The following ITGA3 variants were observed in gnomAD, a reference collection of about 807,000 sequenced individuals.
The protein encoded by ITGA3 is integrin subunit alpha 3, also known as integrin alpha-3.
A neutral mutation model predicts 131.1 loss-of-function variants in ITGA3; 70 were observed. The observed-to-expected ratio is 0.53, with a 90% CI of 0.44 to 0.65. ITGA3 has a LOEUF of 0.65. Among genes scored for constraint, ITGA3 ranks in the 30% least tolerant of loss-of-function variants. The pLI, the probability that ITGA3 is intolerant of heterozygous loss-of-function variation, is 0.00. For synonymous variants in ITGA3, 537 were observed against 571.6 expected, an observed-to-expected ratio of 0.94 and a Z score of 0.86; for missense variants, 1,098 against 1,388.6, an observed-to-expected ratio of 0.79 and a Z score of 3.33.
chr17:50,061,565 A>G (rs1908078278), intron 1 of ITGA3, among the ~76,000 whole-genome samples: 1 of 152,110 alleles, frequency 6.6e-6, no homozygotes, highest in Non-Finnish European at 1.5e-5. Context: ...ACCTCCAGCC[A>G]GATCTGAGCC....
chr17:50,088,363 C>G lies in ITGA3; in HGVS notation c.*28C>G. 1 of 1,526,020 alleles carries G rather than the reference C, an allele frequency of 6.6e-7. No individual in the cohort carries two copies. The highest frequency in any genetic ancestry group is 2.0e-5 in the Admixed American group (1 of 51,134). 94.5% of individuals were successfully genotyped at this position (1,526,020 alleles called of 1,614,324 possible). A position where few individuals can be genotyped will look rare whatever the true frequency, so the allele number is the denominator to read the frequency against. ...GGGCAGCCCCCCGCCCCCGGCCCAC[C>G]TGGGTAACACGGCCTCCGGGCCCCC... On this transcript the variant is annotated 3_prime_UTR_variant, in exon 25 of 26. Transcript: ENST00000320031.
Position 50,078,927 on chromosome 17 carries a change from G to A in ITGA3, c.2400+1G>A, listed in dbSNP as rs1909049609. 6.3e-7 allele frequency: 1 copy of A among 1,591,200 alleles called. No individual in the cohort carries two copies. Among genetic ancestry groups the A allele is most frequent in the Non-Finnish European group, 8.6e-7 (1 of 1,159,124 alleles). Reference sequence around the variant, plus strand: ...AAGCCCCCTCAAGTATGAATTCCAGGTAAGGGGCTCGCCAGAGTCCTGGGC... The same window carrying A: ...AAGCCCCCTCAAGTATGAATTCCAGATAAGGGGCTCGCCAGAGTCCTGGGC... On this transcript the variant is annotated splice_donor_variant, in intron 19 of 25. Transcript: ENST00000320031. LOFTEE classifies it high-confidence loss of function.
chr17:50,078,452 T>TA (rs1909026686), intron 18 of ITGA3, among the ~76,000 whole-genome samples, 168 bp downstream of exon 18: 1 of 152,144 alleles, frequency 6.6e-6, no homozygotes, highest in Non-Finnish European at 1.5e-5. Flanking sequence ...TCACTATCGT[T>TA]ACCGTTACTA....
In ITGA3 at chr17:50,070,907, A is replaced by T; in HGVS notation, c.728A>T (p.Glu243Val). The T allele has an allele frequency of 1.2e-6, 2 of 1,609,604 alleles. No homozygotes were observed. The highest frequency in any genetic ancestry group is 1.1e-5 in the South Asian group (1 of 90,982). The change falls in exon 5 of 26, where the codon GAG becomes GTG. Residue 243 changes from glutamate (E) to valine (V), a missense_variant. Coordinates refer to ENST00000320031, the MANE Select transcript of ITGA3 (RefSeq NM_002204.4). ...TCTGAGTATAGTTACAAGGACCCAG[A>T]GGACCAAGGAAACCTCTATATTGGT... The part of the protein sequence containing the change: ...DLSEYSYKDP[E>V]DQGNLYIGYT...
intron 1 of ITGA3, among the ~76,000 whole-genome samples, chr17:50,061,340 G>A (rs1423863713): frequency 6.6e-6 from 1 of 152,052 alleles, no homozygotes; most frequent in East Asian, 1.9e-4. Context: ...ACCTTGGGAA[G>A]TTCAGAGGAG....
rs1907849303 is a variant in ITGA3 at position 50,056,802 on chromosome 17, T to C, written c.206+157T>C. The stretch of plus-strand genomic sequence containing the variant: ...TGGGGGTTGGCGGGAAGTGGAGGAT[T>C]GGGTGTGGGGTCGGGCAGTAATCAT... On this transcript the variant is annotated intron_variant, in intron 1 of 25. Transcript: ENST00000320031. This position sits in a 1 kb window ranked among gnomAD's most constrained non-coding sequence, Gnocchi z 5.6. Among the ~76,000 whole-genome samples, 1 of 151,910 alleles carries C rather than the reference T, an allele frequency of 6.6e-6. No homozygotes were observed. The highest frequency in any genetic ancestry group is 2.4e-5 in the African/African-American group (1 of 41,342).
intron 4 of ITGA3, among the ~76,000 whole-genome samples, chr17:50,068,934 A>G (rs1908481850): frequency 6.6e-6 from 1 of 150,994 alleles, no homozygotes; most frequent in African/African-American, 2.4e-5. Flanking sequence ...TGCAAGCTCC[A>G]CCTCCAGGGT....
At chr17:50,071,141 A>G (rs972549559) in intron 5 of ITGA3, among the ~76,000 whole-genome samples, 170 bp from the exon 6 acceptor site, 4 of 152,244 alleles carry the variant, frequency 2.6e-5, no homozygotes, top group African/African-American at 9.6e-5. Context: ...GTGTCCAGGC[A>G]GAACTGGGCC....
intron 5 of ITGA3, 108 bp from the exon 6 acceptor site, chr17:50,071,203 G>T: frequency 9.8e-7 from 1 of 1,020,602 alleles, no homozygotes. Flanking sequence ...GGAATAGTGG[G>T]ATAGAACATC....
At position 50,085,594 on chromosome 17, in the gene ITGA3, G is replaced by T. The variant is rs185845111; in HGVS notation, c.2920-2150G>T. On this transcript the variant is annotated intron_variant, in intron 23 of 25. Coordinates refer to ENST00000320031, the MANE Select transcript of ITGA3 (RefSeq NM_002204.4). ...CAGGAGAATTGCTTGAGCCCAGGAG[G>T]CAGAGGTTGCAGTGAGCCAAGATTG... is the stretch of plus-strand genomic sequence containing the variant. 2.0e-5 allele frequency among the ~76,000 whole-genome samples: 3 copies of T among 150,330 alleles called. No homozygotes were observed. In the East Asian group the frequency reaches 6.0e-4, roughly 30 times the overall value.
At chr17:50,078,340 C>G in intron 18 of ITGA3, 56 bp downstream of exon 18, 2 of 1,454,138 alleles carry the variant, frequency 1.4e-6, no homozygotes, top group East Asian at 4.6e-5. Flanking sequence ...AGCTAGGGTT[C>G]CCTATCCCCA....
In ITGA3 at chr17:50,068,134, C is replaced by T. The variant is rs756398910; in HGVS notation, c.493C>T (p.Arg165Ter). The change falls in exon 4 of 26, where the codon CGA (arginine) becomes TGA (stop). Residue 165 changes from arginine (R) to a stop codon, truncating the protein, a stop_gained. Coordinates refer to ENST00000320031, the MANE Select transcript of ITGA3 (RefSeq NM_002204.4). LOFTEE classifies it high-confidence loss of function. ...GCGCATGGTGGGCAAGTGCTACGTGCGAGGCAATGACCTAGAGCTGGACTC... is the reference window on the plus strand; with the variant it reads ...GCGCATGGTGGGCAAGTGCTACGTGTGAGGCAATGACCTAGAGCTGGACTC... ...QRRMVGKCYV[R>*]GNDLELDSSD... 6 of 1,614,016 alleles carry T rather than the reference C, an allele frequency of 3.7e-6. No homozygotes were observed. The African/African-American group carries it at 5.3e-5, about 14-fold the overall frequency.
chr17:50,060,256 C>T (rs1908015380), intron 1 of ITGA3, among the ~76,000 whole-genome samples: 2 of 152,304 alleles, frequency 1.3e-5, no homozygotes, highest in South Asian at 2.1e-4. Context: ...GATCCTTTGG[C>T]CCCCTCTGGA....
At chr17:50,088,125 C>T in intron 24 of ITGA3, 100 bp from the exon 25 acceptor site, 6 of 1,444,276 alleles carry the variant, frequency 4.2e-6, no homozygotes, top group Non-Finnish European at 5.5e-6. Flanking sequence ...AGCCCCAGCC[C>T]CCAGGCTCCC....
chr17:50,081,417 G>C lies in ITGA3; in HGVS notation c.2919+9G>C. 3.9e-6 allele frequency: 6 copies of C among 1,556,070 alleles called. No homozygotes were observed. The highest frequency in any genetic ancestry group is 5.2e-6 in the Non-Finnish European group (6 of 1,144,464). On this transcript the variant is annotated intron_variant, in intron 23 of 25. Transcript: ENST00000320031. ...AGAACAAGACCACGTGGGTGAGTGC[G>C]CATGTTCACTAGGACAGCAGTCTCC...
At position 50,056,262 on chromosome 17, in the gene ITGA3, G is replaced by A. The variant is rs1907798054; in HGVS notation, c.-178G>A. The stretch of plus-strand genomic sequence containing the variant: ...ACCCACGGATCTTAGGAAGGGATCC[G>A]AGAGCGCAGCTGTGAAACTGGCTGG... On this transcript the variant is annotated 5_prime_UTR_variant, in exon 1 of 26. Transcript: ENST00000320031. This position sits in a 1 kb window ranked among gnomAD's most constrained non-coding sequence, Gnocchi z 5.6. 4.1e-6 allele frequency: 2 copies of A among 487,832 alleles called. No homozygotes were observed. The highest frequency in any genetic ancestry group is 7.1e-6 in the Non-Finnish European group (2 of 281,896). The allele number at this position is 487,832 out of a possible 1,614,324, so 30.2% of individuals were successfully genotyped here.
In ITGA3 at chr17:50,076,810, T is replaced by A; in HGVS notation, c.1922+129T>A. 3.4e-6 allele frequency: 4 copies of A among 1,168,816 alleles called. No homozygotes were observed. The Admixed American group carries it at 5.8e-5, about 17-fold the overall frequency. 72.4% of individuals were successfully genotyped at this position (1,168,816 alleles called of 1,614,324 possible). ...AGGGCTTTAGCGGGAACAGGTGGGA[T>A]GGTCAGAAACGGGGCTTTCTCCTCC... On this transcript the variant is annotated intron_variant, in intron 14 of 25. Transcript: ENST00000320031.
At chr17:50,060,877 A>C (rs1567695900) in intron 1 of ITGA3, among the ~76,000 whole-genome samples, 1 of 152,180 alleles carries the variant, frequency 6.6e-6, no homozygotes, top group South Asian at 2.1e-4. Context: ...TGGCTGGCAG[A>C]ATTGCTCATT....
chr17:50,068,380 T>C, intron 4 of ITGA3, 75 bp downstream of exon 4: 1 of 1,527,832 alleles, frequency 6.5e-7, no homozygotes. Flanking sequence ...CGGGGACAGC[T>C]GGCCTAGACC....
Sources: gnomAD v4.1 joint callset for allele counts (sites outside exome capture counted in the v4.1 genomes callset) on GRCh38, gnomAD v4.1.1 for gene constraint, Gnocchi (gnomAD v3.1) non-coding constraint, MANE v1.5 for transcripts, NCBI Gene and HGNC (gene_info 2026-07-23, HGNC 2026-07-21) for gene names.